The following CD101 variants were observed in gnomAD, a reference collection of about 807,000 sequenced individuals.
CD101 encodes immunoglobulin superfamily member 2.
CD101 carries 76 observed loss-of-function variants against 98.2 expected under a neutral mutation model. The ratio of observed to expected loss-of-function variants is 0.77; its 90% CI spans 0.64 to 0.94. The LOEUF (loss-of-function observed/expected upper bound fraction) is 0.94, where lower values mean the gene tolerates loss of function less well. CD101 is among the 40% of genes least tolerant of loss of function. The pLI is 0.00. For missense variants in CD101, 1,145 were observed against 1,218.8 expected, an observed-to-expected ratio of 0.94 and a Z score of 0.90; for synonymous variants, 471 against 472.7, an observed-to-expected ratio of 1.00 and a Z score of 0.05.
chr1:117,021,705 C>T lies in CD101; in HGVS notation c.2150C>T (p.Pro717Leu), dbSNP rs1296344442. Residue 717 changes from proline to leucine, a missense_variant, in exon 7 of 10, where the codon CCT becomes CTT. Pro to Leu is a moderately conservative substitution (Grantham distance 98). Coordinates refer to ENST00000682167, the MANE Select transcript of CD101 (RefSeq NM_001256106.3). This position sits in a 1 kb window ranked among gnomAD's most constrained non-coding sequence, Gnocchi z 4.7. ...LQLAIIWYFS[P>L]VSTNASWLKI... ...TTAGCCATTATTTGGTATTTTTCTC[C>T]TGTTTCCACTAATGCCTCTTGGCTA... 1.9e-6 allele frequency: 3 copies of T among 1,614,030 alleles called. No homozygotes were observed. Among genetic ancestry groups the T allele is most frequent in the African/African-American group, 1.3e-5 (1 of 74,928 alleles).
In CD101 at chr1:117,035,633, T is replaced by C. The variant is rs549274869; in HGVS notation, c.*34-535T>C. ...GGTGTGACCTGGGCTCACTGCAAGC[T>C]CCGCCTCCCGGGTTCACGCCATCCT... is the stretch of plus-strand genomic sequence containing the variant. On this transcript the variant is annotated intron_variant, in intron 9 of 9. Transcript: ENST00000682167. Among the ~76,000 whole-genome samples, 11 of 150,934 alleles carry C rather than the reference T, an allele frequency of 7.3e-5. No individual in the cohort carries two copies. The South Asian group carries it at 2.3e-3, about 32-fold the overall frequency.
rs200402907 is a variant in CD101 at position 117,018,393 on chromosome 1, C to T, written c.1850C>T (p.Ser617Leu). The change falls in exon 6 of 10, where the codon TCG becomes TTG. Residue 617 changes from serine (S) to leucine (L), a missense_variant. Transcript: ENST00000682167. The surrounding 1 kb of genome is among the most constrained non-coding windows in gnomAD (Gnocchi z 4.3). ...CGGTTCCAAAAGAAGACGAAAGTGT[C>T]GCAGTCTTTATTTCGTTCACAACTC... ...LSRFQKKTKV[S>L]QSLFRSQLLV... 2.7e-4 allele frequency: 442 copies of T among 1,614,030 alleles called. No homozygotes were observed. The highest frequency in any genetic ancestry group is 3.5e-4 in the Non-Finnish European group (415 of 1,180,032).
rs368795349 is a variant in CD101, at chr1:117,017,828, C to G, written c.1613-328C>G. ...CAAAAGGGTTCTGATACTGAACCCACGCATGGGGGTAAGGGAAGGAGGCCA... is the reference window on the plus strand; with the variant it reads ...CAAAAGGGTTCTGATACTGAACCCAGGCATGGGGGTAAGGGAAGGAGGCCA... On this transcript the variant is annotated intron_variant, in intron 5 of 9. Transcript: ENST00000682167. Among the ~76,000 whole-genome samples, 11 of 152,200 alleles carry G rather than the reference C, an allele frequency of 7.2e-5. No individual in the cohort carries two copies. The South Asian group carries it at 2.3e-3, about 32-fold the overall frequency.
In CD101 at chr1:117,036,138, ACCAACTTGAGCAATCAG is replaced by A. The variant is rs1377523240; in HGVS notation, c.*34-28_*34-12del. The A allele has an allele frequency of 6.6e-6, 1 of 152,264 alleles. No individual in the cohort carries two copies. The highest frequency in any genetic ancestry group is 1.9e-4 in the East Asian group (1 of 5,190). The allele number at this position is 152,264 out of a possible 1,614,324, so 9.4% of individuals were successfully genotyped here. A position where few individuals can be genotyped will look rare whatever the true frequency, so the allele number is the denominator to read the frequency against. On this transcript the variant is annotated splice_polypyrimidine_tract_variant and intron_variant, in intron 9 of 9. Coordinates refer to ENST00000682167, the MANE Select transcript of CD101 (RefSeq NM_001256106.3). The surrounding 1 kb of genome is among the most constrained non-coding windows in gnomAD (Gnocchi z 5.0). ...GGTCTCCTGGGAAAGCAGACATTTA[ACCAACTTGAGCAATCAG>A]CTTGTTTTACAGCTTCCTGCCTTGC...
Position 117,013,563 on chromosome 1 carries a change from A to G in CD101, c.999A>G (p.Gly333=). 1 of 1,614,210 alleles carries G rather than the reference A, an allele frequency of 6.2e-7. No individual in the cohort carries two copies. The highest frequency in any genetic ancestry group is 8.5e-7 in the Non-Finnish European group (1 of 1,180,030). The part of the protein sequence containing the change: ...GTEIAHIDAG[G]VLGLKNDYKE... ...AAATTGCTCACATTGATGCTGGTGG[A>G]GTCCTGGGCCTGAAGAATGACTACA... The change falls in exon 4 of 10, where the codon GGA becomes GGG. Residue 333 remains glycine, a synonymous_variant. Transcript: ENST00000682167.
At chr1:117,031,955 G>T (rs529683580) in intron 8 of CD101, among the ~76,000 whole-genome samples, 2 of 152,256 alleles carry the variant, frequency 1.3e-5, no homozygotes, top group East Asian at 1.9e-4. Flanking sequence ...TTGCATCATT[G>T]CAGTCTATGC....
chr1:117,005,168 G>A lies in CD101; in HGVS notation c.43+3308G>A, dbSNP rs2806870. Among the ~76,000 whole-genome samples, 22,524 of 152,064 alleles carry A rather than the reference G, an allele frequency of 0.15. 1,783 individuals are homozygous for A. The highest frequency in any genetic ancestry group is 0.21 in the Middle Eastern group (61 of 294). ...TGAGTTTTAGGAAGACACAGACGTT[G>A]AGACTATAACACAGCACCCTCCCTG... On this transcript the variant is annotated intron_variant, in intron 1 of 9. Coordinates refer to ENST00000682167, the MANE Select transcript of CD101 (RefSeq NM_001256106.3). This position sits in a 1 kb window ranked among gnomAD's most constrained non-coding sequence, Gnocchi z 4.4.
chr1:117,017,207 A>C lies in CD101; in HGVS notation c.1346A>C (p.His449Pro). The stretch of plus-strand genomic sequence containing the variant: ...AGTCCCCTGTCTGTGAGCTGGTGGC[A>C]CATCCCACGGGACCAGACACAGCCC... ...AESPLSVSWW[H>P]IPRDQTQPEF... The change falls in exon 5 of 10, where the codon CAC (histidine) becomes CCC (proline). Residue 449 changes from histidine to proline, a missense_variant. Coordinates refer to ENST00000682167, the MANE Select transcript of CD101 (RefSeq NM_001256106.3). 2 of 1,614,148 alleles carry C rather than the reference A, an allele frequency of 1.2e-6. No homozygotes were observed. Among genetic ancestry groups the C allele is most frequent in the Non-Finnish European group, 1.7e-6 (2 of 1,180,000 alleles).
At position 117,011,593 on chromosome 1, in the gene CD101, C is replaced by T. The variant is rs751347043; in HGVS notation, c.468C>T (p.Leu156=). The T allele has an allele frequency of 7.4e-6, 12 of 1,613,704 alleles. No homozygotes were observed. Among genetic ancestry groups the T allele is most frequent in the Non-Finnish European group, 1.0e-5 (12 of 1,179,906 alleles). ...TLSATMSSQT[L]GKEEGEPLAL... The stretch of plus-strand genomic sequence containing the variant: ...CTGCCACCATGAGTTCTCAGACTCT[C>T]GGTAAGGAGGAAGGTGAGCCATTAG... The change falls in exon 3 of 10, where the codon CTC becomes CTT. Residue 156 remains leucine, a synonymous_variant. Transcript: ENST00000682167.
rs201463000 is a variant in CD101, at chr1:117,021,693, G to A, written c.2138G>A (p.Trp713Ter). The A allele has an allele frequency of 6.4e-5, 103 of 1,614,026 alleles. No individual in the cohort carries two copies. Among genetic ancestry groups the A allele is most frequent in the Admixed American group, 3.3e-4 (20 of 60,002 alleles). ...SNGNLQLAII[W>*]YFSPVSTNAS... ...GGAAACCTTCAGTTAGCCATTATTT[G>A]GTATTTTTCTCCTGTTTCCACTAAT... The change falls in exon 7 of 10, where the codon TGG (tryptophan) becomes TAG (stop). Residue 713 changes from tryptophan (W) to a stop codon, truncating the protein, a stop_gained. Transcript: ENST00000682167. LOFTEE classifies it high-confidence loss of function. This position sits in a 1 kb window ranked among gnomAD's most constrained non-coding sequence, Gnocchi z 4.7.
At position 117,018,214 on chromosome 1, in the gene CD101, C is replaced by A. The variant is rs78477372; in HGVS notation, c.1671C>A (p.Thr557=). ...SRQPQVMLTN[T]FDLSCVVRAG... ...AGCCGCAAGTGATGTTAACCAACAC[C>A]TTTGACCTGTCCTGTGTCGTGAGGG... The change falls in exon 6 of 10, where the codon ACC becomes ACA. Residue 557 remains threonine (T), a synonymous_variant. Transcript: ENST00000682167. This position sits in a 1 kb window ranked among gnomAD's most constrained non-coding sequence, Gnocchi z 4.3. 9.6e-4 allele frequency: 1,542 copies of A among 1,613,946 alleles called. 16 individuals carry two copies. In the African/African-American group the frequency reaches 0.018, roughly 19 times the overall value.
At chr1:117,008,939 C>G (rs1652709926) in intron 1 of CD101, among the ~76,000 whole-genome samples, 1 of 152,196 alleles carries the variant, frequency 6.6e-6, no homozygotes, top group Non-Finnish European at 1.5e-5. Flanking sequence ...ACTCTTGTGG[C>G]ATGTCTTTGT....
intron 1 of CD101, among the ~76,000 whole-genome samples, chr1:117,008,786 C>T (rs1007278555): frequency 6.6e-6 from 1 of 152,086 alleles, no homozygotes; most frequent in Non-Finnish European, 1.5e-5. Flanking sequence ...GCAGCAGAGG[C>T]TCTGCTTCTT....
In CD101 at chr1:117,021,470, TATG is replaced by T; in HGVS notation, c.2018-99_2018-97del. ...GGCTACTGTAGAGGGAGTTCACCCA[TATG>T]ATGGCGGGAGGATGCAGTGTCATAC... On this transcript the variant is annotated intron_variant, in intron 6 of 9. Transcript: ENST00000682167. This position sits in a 1 kb window ranked among gnomAD's most constrained non-coding sequence, Gnocchi z 4.7. The T allele has an allele frequency of 1.1e-6, 1 of 930,456 alleles. No homozygotes were observed. The highest frequency in any genetic ancestry group is 2.4e-4 in the Middle Eastern group (1 of 4,108). 57.6% of individuals were successfully genotyped at this position (930,456 alleles called of 1,614,324 possible).
chr1:117,032,240 A>T (rs1654505689), intron 8 of CD101: 1 of 152,190 alleles, frequency 6.6e-6, no homozygotes. Flanking sequence ...TTCAGTGATG[A>T]TCTGTACTTT....
intron 8 of CD101, 157 bp downstream of exon 8, chr1:117,026,061 T>G: frequency 2.8e-6 from 2 of 717,464 alleles, no homozygotes; most frequent in South Asian, 4.3e-5. Context: ...TTGCTGTCTC[T>G]CTCAATAGTA....
chr1:117,031,459 T>A (rs891409383), intron 8 of CD101, among the ~76,000 whole-genome samples: 1 of 152,178 alleles, frequency 6.6e-6, no homozygotes, highest in Admixed American at 6.5e-5. Context: ...TCCTAAGTAA[T>A]CATTTCAGTC....
At chr1:117,008,206 T>A (rs531968641) in intron 1 of CD101, among the ~76,000 whole-genome samples, 6 of 152,332 alleles carry the variant, frequency 3.9e-5, no homozygotes, top group African/African-American at 1.4e-4. Context: ...GGCTCACACC[T>A]GTAATTCCAG....
At chr1:117,025,379 A>G (rs1308040258) in intron 7 of CD101, 130 bp from the exon 8 acceptor site, 2 of 741,812 alleles carry the variant, frequency 2.7e-6, no homozygotes, top group East Asian at 6.1e-5. Flanking sequence ...TAAAAATAAT[A>G]AAAAAAATAA....
Sources: allele counts gnomAD v4.1 joint callset (sites outside exome capture counted in the v4.1 genomes callset), GRCh38; gene constraint gnomAD v4.1.1; non-coding constraint Gnocchi (gnomAD v3.1); transcripts MANE v1.5; gene names NCBI Gene and HGNC (gene_info 2026-07-23, HGNC 2026-07-21).